LRRC8B: variants seen among roughly 807,000 people sequenced by gnomAD.
LRRC8B encodes volume-regulated anion channel subunit LRRC8B.
LRRC8B carries 23 observed loss-of-function variants against 58.8 expected under a neutral mutation model. That is an observed-to-expected ratio of 0.39 (90% CI 0.28 to 0.55). The LOEUF (loss-of-function observed/expected upper bound fraction) is 0.55, where lower values mean the gene tolerates loss of function less well. Ranked by LOEUF, LRRC8B falls within the 20% of genes least tolerant of loss-of-function variation. The probability of loss-of-function intolerance (pLI) is 0.62; values close to 1 mark genes in which losing one functional copy is unlikely to be tolerated. For synonymous variants in LRRC8B, 359 were observed against 374.1 expected (o/e 0.96, Z 0.47); for missense variants, 694 against 936.0 (o/e 0.74, Z 3.37).
At chr1:89,533,083 G>A (rs1158901042) in intron 1 of LRRC8B, among the ~76,000 whole-genome samples, 1 of 152,152 alleles carries the variant, frequency 6.6e-6, no homozygotes, top group Non-Finnish European at 1.5e-5. Context: ...AACACTGCCA[G>A]TTATCTTCTA....
rs1275895899 is a variant in LRRC8B, at chr1:89,567,258, A to G, written c.-240-989A>G. Among the ~76,000 whole-genome samples the G allele has an allele frequency of 2.0e-5, 3 of 152,160 alleles. No homozygotes were observed. The East Asian group carries it at 5.8e-4, about 29-fold the overall frequency. ...GTACTTTTATGTTTTGCTAAGGAGG[A>G]AGAAAGGTGATAAGTTTAGTTACAG... is the stretch of plus-strand genomic sequence containing the variant. On this transcript the variant is annotated intron_variant, in intron 1 of 5. Coordinates refer to ENST00000330947, the MANE Select transcript of LRRC8B (RefSeq NM_001369817.2).
rs375053059 is a variant in LRRC8B, at chr1:89,592,818, T to G, written c.2187T>G (p.Cys729Trp). The G allele has an allele frequency of 3.7e-6, 6 of 1,614,100 alleles. No individual in the cohort carries two copies. Among genetic ancestry groups the G allele is most frequent in the Admixed American group, 3.3e-5 (2 of 60,020 alleles). Reference sequence around the variant, plus strand: ...TGTTTCAGTGCAAAAAGCTGCAGTGTTTACTTTTGGGGAAAAATAGCTTGA... The same window carrying G: ...TGTTTCAGTGCAAAAAGCTGCAGTGGTTACTTTTGGGGAAAAATAGCTTGA... ...DGLFQCKKLQ[C>W]LLLGKNSLMN... Residue 729 changes from cysteine (C) to tryptophan (W), a missense_variant, in exon 6 of 6, where the codon TGT (cysteine) becomes TGG (tryptophan). Cys to Trp is a radical substitution (Grantham distance 215). Coordinates refer to ENST00000330947, the MANE Select transcript of LRRC8B (RefSeq NM_001369817.2).
chr1:89,581,273 CAAAAAAAAA>C (rs5776023), intron 4 of LRRC8B, among the ~76,000 whole-genome samples: 154 of 72,544 alleles, frequency 2.1e-3, no homozygotes, highest in African/African-American at 8.5e-3. Context: ...GACTCCGTCT[CAAAAAAAAA>C]AAAAAAAAAA....
In LRRC8B at chr1:89,583,516, G is replaced by A; in HGVS notation, c.866G>A (p.Cys289Tyr). Residue 289 changes from cysteine to tyrosine, a missense_variant, in exon 5 of 6, where the codon TGT becomes TAT. Physicochemically the swap from Cys to Tyr is radical, Grantham distance 194. Around this residue, in one of 5 missense-constraint regions of LRRC8B, gnomAD observed 316 missense variants for 403.8 expected, o/e 0.78. Transcript: ENST00000330947. The surrounding 1 kb of genome is among the most constrained non-coding windows in gnomAD (Gnocchi z 5.2). ...FLTHITLEIDCSVDVQAFTGY... is the reference protein window; with the variant it reads ...FLTHITLEIDYSVDVQAFTGY... ...ACCCACATCACTCTTGAAATCGACT[G>A]TTCAGTTGATGTGCAGGCTTTTACA... 3 of 1,613,378 alleles carry A rather than the reference G, an allele frequency of 1.9e-6. No individual in the cohort carries two copies. Among genetic ancestry groups the A allele is most frequent in the Non-Finnish European group, 2.5e-6 (3 of 1,180,040 alleles).
chr1:89,560,480 C>T (rs1652551083), intron 1 of LRRC8B, among the ~76,000 whole-genome samples: 1 of 151,364 alleles, frequency 6.6e-6, no homozygotes, highest in African/African-American at 2.4e-5. Context: ...TGGTGTGCTG[C>T]ACCCACTAAC....
At chr1:89,588,298 A>G (rs1378829961) in intron 5 of LRRC8B, among the ~76,000 whole-genome samples, 1 of 152,224 alleles carries the variant, frequency 6.6e-6, no homozygotes, top group African/African-American at 2.4e-5. Context: ...TCTTTTGATC[A>G]TATTTTTGCT....
Position 89,559,629 on chromosome 1 carries a change from TACACAC to T in LRRC8B, c.-240-8600_-240-8595del, listed in dbSNP as rs71084951. Among the ~76,000 whole-genome samples, 20 of 137,560 alleles carry T rather than the reference TACACAC, an allele frequency of 1.5e-4. No individual in the cohort carries two copies. In the South Asian group the frequency reaches 2.6e-3, roughly 18 times the overall value. The allele number at this position is 137,560 out of a possible 152,430, so 90.2% of individuals were successfully genotyped here. A position where few individuals can be genotyped will look rare whatever the true frequency, so the allele number is the denominator to read the frequency against. ...AAAAAAAAAAAAATATATATATATATACACACACACACACACACACACATATATGTA... is the reference window on the plus strand; with the variant it reads ...AAAAAAAAAAAAATATATATATATATACACACACACACACACATATATGTA... On this transcript the variant is annotated intron_variant, in intron 1 of 5. Coordinates refer to ENST00000330947, the MANE Select transcript of LRRC8B (RefSeq NM_001369817.2).
intron 4 of LRRC8B, among the ~76,000 whole-genome samples, 160 bp from the exon 5 acceptor site, chr1:89,582,465 A>C (rs1184527092): frequency 6.6e-6 from 1 of 152,172 alleles, no homozygotes; most frequent in African/African-American, 2.4e-5. Context: ...TTTCAAATGA[A>C]ACCAGAAGAC....
intron 3 of LRRC8B, among the ~76,000 whole-genome samples, chr1:89,574,174 T>C (rs1247024524): frequency 6.6e-6 from 1 of 152,256 alleles, no homozygotes; most frequent in African/African-American, 2.4e-5. Context: ...TGAGGCACTT[T>C]GGGCCTTCTG....
intron 5 of LRRC8B, 62 bp downstream of exon 5, chr1:89,584,851 G>A (rs143844533): frequency 8.6e-7 from 1 of 1,167,300 alleles, no homozygotes; most frequent in African/African-American, 1.5e-5. Context: ...ATTACATAGG[G>A]AAAGAAAACA....
At chr1:89,569,905 C>G (rs1653323699) in intron 3 of LRRC8B, among the ~76,000 whole-genome samples, 1 of 152,108 alleles carries the variant, frequency 6.6e-6, no homozygotes, top group African/African-American at 2.4e-5. Context: ...TTGTTACCCT[C>G]TATGTGTCCA....
chr1:89,590,030 T>A (rs7517515), intron 5 of LRRC8B, among the ~76,000 whole-genome samples: 1 of 152,168 alleles, frequency 6.6e-6, no homozygotes, highest in African/African-American at 2.4e-5. Flanking sequence ...TGTATGTGTG[T>A]ATTATATGTT....
At chr1:89,586,438 A>T (rs1376144859) in intron 5 of LRRC8B, among the ~76,000 whole-genome samples, 2 of 152,238 alleles carry the variant, frequency 1.3e-5, no homozygotes, top group Admixed American at 1.3e-4. Context: ...GCAGTTATAC[A>T]CAGTTAAATC....
intron 1 of LRRC8B, among the ~76,000 whole-genome samples, chr1:89,551,335 A>C (rs1229117134): frequency 6.6e-6 from 1 of 152,142 alleles, no homozygotes; most frequent in East Asian, 1.9e-4. Context: ...TGTCATCAGC[A>C]GCTAATTTTT....
intron 1 of LRRC8B, among the ~76,000 whole-genome samples, chr1:89,539,614 C>T (rs1468209852): frequency 1.3e-5 from 2 of 152,192 alleles, no homozygotes; most frequent in East Asian, 3.8e-4. Context: ...ATTAGGGCCA[C>T]AGAAACAACA....
intron 1 of LRRC8B, among the ~76,000 whole-genome samples, chr1:89,558,034 T>TA (rs374697938): frequency 0.01 from 1,573 of 151,588 alleles, 30 homozygotes; most frequent in African/African-American, 0.036. Context: ...GCCAGAGACT[T>TA]AAAAAAAAAT....
At chr1:89,557,504 C>A (rs1652280982) in intron 1 of LRRC8B, among the ~76,000 whole-genome samples, 1 of 152,108 alleles carries the variant, frequency 6.6e-6, no homozygotes, top group Non-Finnish European at 1.5e-5. Flanking sequence ...AATATCAATT[C>A]TTGAGCCAGT....
chr1:89,590,021 G>A (rs1307260332), intron 5 of LRRC8B, among the ~76,000 whole-genome samples: 1 of 152,056 alleles, frequency 6.6e-6, no homozygotes, highest in Non-Finnish European at 1.5e-5. Flanking sequence ...TATAGCTTAT[G>A]TATGTGTGTA....
chr1:89,537,323 G>C (rs1395173136), intron 1 of LRRC8B, among the ~76,000 whole-genome samples: 1 of 152,154 alleles, frequency 6.6e-6, no homozygotes, highest in East Asian at 1.9e-4. Context: ...TGTATGCATT[G>C]CTATGGTCTG....
Sources: gnomAD v4.1 joint callset for allele counts (sites outside exome capture counted in the v4.1 genomes callset) on GRCh38, gnomAD v4.1.1 for gene constraint, gnomAD v4.1.1 regional missense constraint, Gnocchi (gnomAD v3.1) non-coding constraint, MANE v1.5 for transcripts, NCBI Gene and HGNC (gene_info 2026-07-23, HGNC 2026-07-21) for gene names.